Variants in NEMF observed in about 807,000 individuals in gnomAD.
The protein encoded by NEMF is ribosome quality control complex subunit NEMF.
NEMF carries 89 observed loss-of-function variants against 162.2 expected under a neutral mutation model. The observed-to-expected ratio is 0.55, with a 90% confidence interval of 0.46 to 0.65. The LOEUF (loss-of-function observed/expected upper bound fraction) is 0.65. Ranked by LOEUF, NEMF falls within the 30% of genes least tolerant of loss-of-function variation. The pLI, the probability that NEMF is intolerant of heterozygous loss-of-function variation, is 0.00. For synonymous variants in NEMF, 421 were observed against 404.5 expected (o/e 1.04, Z -0.49); for missense variants, 1,133 against 1,261.9 (o/e 0.90, Z 1.55).
intron 18 of NEMF, among the ~76,000 whole-genome samples, chr14:49,811,800 C>T (rs1314029886): frequency 2.6e-5 from 4 of 152,088 alleles, no homozygotes; most frequent in African/African-American, 9.7e-5. Flanking sequence ...GCTTTGTCAT[C>T]GTATATAGTC....
Position 49,783,040 on chromosome 14 carries a change from C to T in NEMF, c.*1596G>A. 1 of 1,413,652 alleles carries T rather than the reference C, an allele frequency of 7.1e-7. No homozygotes were observed. Among genetic ancestry groups the T allele is most frequent in the Non-Finnish European group, 9.7e-7 (1 of 1,034,914 alleles). 87.6% of individuals were successfully genotyped at this position (1,413,652 alleles called of 1,614,324 possible). A position where few individuals can be genotyped will look rare whatever the true frequency, so the allele number is the denominator to read the frequency against. ...GTGGCATCATTTGTATAATTATATG[C>T]ATTGTTGTAGTTTGCACCTGTTGGT... On this transcript the variant is annotated 3_prime_UTR_variant, in exon 33 of 33. Transcript: ENST00000298310.
At chr14:49,839,067 A>ATTTTTTT (rs56002531) in intron 5 of NEMF, among the ~76,000 whole-genome samples, 2 of 147,550 alleles carry the variant, frequency 1.4e-5, no homozygotes, top group Non-Finnish European at 3.0e-5. Context: ...AAGCATGTTA[A>ATTTTTTT]TTTTTTTTTT....
chr14:49,794,207 C>T (rs917851476), intron 26 of NEMF, among the ~76,000 whole-genome samples: 2 of 151,898 alleles, frequency 1.3e-5, no homozygotes, highest in Non-Finnish European at 2.9e-5. Flanking sequence ...ATAGGGAAAT[C>T]CCTCCTTATT....
intron 16 of NEMF, chr14:49,820,271 G>GCA (rs1891936295): frequency 2.7e-6 from 1 of 367,098 alleles, no homozygotes; most frequent in Admixed American, 3.2e-5. Flanking sequence ...TTGACAGCAG[G>GCA]CAAGTGTCTG....
intron 15 of NEMF, among the ~76,000 whole-genome samples, chr14:49,828,045 G>A (rs554823751): frequency 6.6e-6 from 1 of 152,214 alleles, no homozygotes; most frequent in East Asian, 1.9e-4. Flanking sequence ...AAAGAGTCCA[G>A]GATATCACAA....
intron 4 of NEMF, among the ~76,000 whole-genome samples, chr14:49,843,803 C>T (rs1309357233): frequency 6.6e-6 from 1 of 151,960 alleles, no homozygotes; most frequent in African/African-American, 2.4e-5. Flanking sequence ...TATGGTATTA[C>T]AACAACAGTT....
intron 3 of NEMF, 108 bp from the exon 4 acceptor site, chr14:49,846,373 CGTT>C (rs1391630707): frequency 3.8e-5 from 39 of 1,017,692 alleles, no homozygotes; most frequent in Non-Finnish European, 5.2e-5. Context: ...ATATTTAAAA[CGTT>C]GTGAATAACA....
chr14:49,798,538 A>C (rs1439614151), intron 25 of NEMF, among the ~76,000 whole-genome samples: 2 of 152,228 alleles, frequency 1.3e-5, no homozygotes, highest in African/African-American at 4.8e-5. Context: ...ACTCTTGTTT[A>C]TATCAATTAG....
intron 4 of NEMF, among the ~76,000 whole-genome samples, chr14:49,841,772 T>TC (rs1223871942): frequency 6.6e-6 from 1 of 151,944 alleles, no homozygotes; most frequent in Admixed American, 6.6e-5. Context: ...ATGAAGTAAC[T>TC]CCAACACTCC....
Position 49,814,766 on chromosome 14 carries a change from A to G in NEMF, c.1669T>C (p.Tyr557His). 1.9e-6 allele frequency: 3 copies of G among 1,577,412 alleles called. No homozygotes were observed. Among genetic ancestry groups the G allele is most frequent in the Non-Finnish European group, 2.6e-6 (3 of 1,164,262 alleles). Reference protein sequence around the residue: ...QQQNEIIVKRYLTPGDIYVHA... With the variant: ...QQQNEIIVKRHLTPGDIYVHA... ...TAATCTTACCTACCTGGTGTCAAGTATCTTTTCACAATTATTTCATTCTGT... is the reference window on the plus strand; with the variant it reads ...TAATCTTACCTACCTGGTGTCAAGTGTCTTTTCACAATTATTTCATTCTGT... The change falls in exon 17 of 33, where the codon TAC (tyrosine) becomes CAC (histidine). Residue 557 changes from tyrosine to histidine, a missense_variant. Transcript: ENST00000298310.
Position 49,784,427 on chromosome 14 carries a change from C to CAAAT in NEMF, c.*205_*208dup. 2.2e-6 allele frequency: 1 copy of CAAAT among 464,718 alleles called. No homozygotes were observed. The highest frequency in any genetic ancestry group is 3.8e-6 in the Non-Finnish European group (1 of 262,396). 28.8% of individuals were successfully genotyped at this position (464,718 alleles called of 1,614,324 possible). ...ATATTAATTAGCATTTAACTGTCCACAAATACTTTTGGAAATCCTATCATA... is the reference window on the plus strand; with the variant it reads ...ATATTAATTAGCATTTAACTGTCCACAAATAAATACTTTTGGAAATCCTATCATA... On this transcript the variant is annotated 3_prime_UTR_variant, in exon 33 of 33. Coordinates refer to ENST00000298310, the MANE Select transcript of NEMF (RefSeq NM_004713.6).
chr14:49,833,212 G>A (rs371813951), intron 8 of NEMF, among the ~76,000 whole-genome samples: 1 of 152,234 alleles, frequency 6.6e-6, no homozygotes, highest in East Asian at 1.9e-4. Context: ...GTTGCAATGA[G>A]CCAAGATCAT....
At chr14:49,787,036 G>A in intron 28 of NEMF, 1 of 275,006 alleles carries the variant, frequency 3.6e-6, no homozygotes, top group Non-Finnish European at 6.8e-6. Flanking sequence ...TAAAGTATAT[G>A]TTAAAGCAGC....
At chr14:49,807,868 T>A (rs1043069983) in intron 18 of NEMF, among the ~76,000 whole-genome samples, 1 of 152,104 alleles carries the variant, frequency 6.6e-6, no homozygotes, top group Non-Finnish European at 1.5e-5. Flanking sequence ...CCTCCCAAAG[T>A]GCTGGGATTA....
chr14:49,809,967 C>T (rs559453841), intron 18 of NEMF, among the ~76,000 whole-genome samples: 40 of 151,394 alleles, frequency 2.6e-4, no homozygotes, highest in Non-Finnish European at 5.3e-4. Flanking sequence ...TGGGGGATAT[C>T]GATAATAGGG....
At chr14:49,815,163 T>C (rs1446980532) in intron 16 of NEMF, among the ~76,000 whole-genome samples, 1 of 152,178 alleles carries the variant, frequency 6.6e-6, no homozygotes, top group African/African-American at 2.4e-5. Flanking sequence ...TGTCATATGG[T>C]CCTTAGGTTT....
intron 1 of NEMF, among the ~76,000 whole-genome samples, chr14:49,852,178 A>T (rs1019197027): frequency 6.6e-6 from 1 of 152,180 alleles, no homozygotes; most frequent in African/African-American, 2.4e-5. Flanking sequence ...AGGGAGAAAA[A>T]AAAAAGATAA....
At chr14:49,786,968 T>C in intron 28 of NEMF, 1 of 485,598 alleles carries the variant, frequency 2.1e-6, no homozygotes, top group South Asian at 3.1e-5. Context: ...AGTAATGTCA[T>C]TCAAGAGAAG....
Position 49,844,769 on chromosome 14 carries a change from ATT to A in NEMF, c.357+1369_357+1370del, listed in dbSNP as rs773802281. The A allele has an allele frequency of 2.3e-3, 852 of 376,996 alleles. 54 individuals carry two copies. Among genetic ancestry groups the A allele is most frequent in the African/African-American group, 8.6e-3 (397 of 46,370 alleles). 23.4% of individuals were successfully genotyped at this position (376,996 alleles called of 1,614,324 possible). A position where few individuals can be genotyped will look rare whatever the true frequency, so the allele number is the denominator to read the frequency against. ...CACACACACACACACACACACATAT[ATT>A]TTTTTTTTCCTTTTTGAGACTGAAT... On this transcript the variant is annotated intron_variant, in intron 4 of 32. Coordinates refer to ENST00000298310, the MANE Select transcript of NEMF (RefSeq NM_004713.6).
Sources: allele counts gnomAD v4.1 joint callset (sites outside exome capture counted in the v4.1 genomes callset), GRCh38; gene constraint gnomAD v4.1.1; transcripts MANE v1.5; gene names NCBI Gene and HGNC (gene_info 2026-07-23, HGNC 2026-07-21).